SH3KBP1: variants seen among roughly 807,000 people sequenced by gnomAD.
The protein encoded by SH3KBP1 is SH3 domain containing kinase binding protein 1, also known as SH3 domain-containing kinase-binding protein 1.
A neutral mutation model predicts 50.1 loss-of-function variants in SH3KBP1; 8 were observed. The observed-to-expected ratio is 0.16, with a 90% CI of 0.09 to 0.29. The LOEUF is 0.29. Among genes scored for constraint, SH3KBP1 ranks in the 10% least tolerant of loss-of-function variants. SH3KBP1 has a pLI of 1.00. For missense variants in SH3KBP1, 377 were observed against 535.2 expected (o/e 0.70, Z 2.92); for synonymous variants, 227 against 218.6 (o/e 1.04, Z -0.34).
chrX:19,651,606 G>C (rs972281170), intron 6 of SH3KBP1, among the ~76,000 whole-genome samples: 4 of 112,461 alleles, frequency 3.6e-5, no homozygotes, highest in Non-Finnish European at 7.5e-5. Context: ...TTCCTTGGTT[G>C]CCTCAAAAAG....
chrX:19,741,296 C>G (rs2064760786), intron 3 of SH3KBP1, among the ~76,000 whole-genome samples: 1 of 112,019 alleles, frequency 8.9e-6, no homozygotes, highest in Non-Finnish European at 1.9e-5. Flanking sequence ...ACGATCTCAC[C>G]TCGTAGCATC....
chrX:19,544,212 C>A (rs1348508952), intron 15 of SH3KBP1, among the ~76,000 whole-genome samples: 3 of 111,122 alleles, frequency 2.7e-5, no homozygotes, highest in Non-Finnish European at 5.7e-5. Context: ...GAAAAGTGCT[C>A]TCTGCTGCCA....
chrX:19,691,551 A>G (rs2063294452), intron 5 of SH3KBP1, among the ~76,000 whole-genome samples: 1 of 108,693 alleles, frequency 9.2e-6, no homozygotes, highest in African/African-American at 3.3e-5. Context: ...AATCGGCAAA[A>G]GCCACGCTGT....
chrX:19,609,305 C>T (rs2067336444), intron 8 of SH3KBP1, among the ~76,000 whole-genome samples: 1 of 111,706 alleles, frequency 9.0e-6, no homozygotes, highest in Admixed American at 9.5e-5. Context: ...GCAACGCTTC[C>T]TGCCCAGTAT....
rs940211978 is a variant in SH3KBP1, at chrX:19,598,068, T to A, written c.1006-3068A>T. ...CCTCAATAACCAACCTCTGCTGGCT[T>A]CCAACTTTTCTTGTGCAGCTTCTTC... On this transcript the variant is annotated intron_variant, in intron 9 of 17. Transcript: ENST00000397821. Among the ~76,000 whole-genome samples the A allele has an allele frequency of 5.1e-4, 57 of 111,922 alleles. 1 individual carries two copies. Among genetic ancestry groups the A allele is most frequent in the African/African-American group, 1.8e-3 (56 of 30,792 alleles).
At chrX:19,670,444 C>T (rs1304288801) in intron 6 of SH3KBP1, 2 of 602,353 alleles carry the variant, frequency 3.3e-6, no homozygotes, top group South Asian at 8.7e-5. Context: ...GATTTGTTTA[C>T]TGCACAAACA....
chrX:19,574,255 T>C lies in SH3KBP1; in HGVS notation c.1299-5067A>G, dbSNP rs149104508. On this transcript the variant is annotated intron_variant, in intron 12 of 17. Coordinates refer to ENST00000397821, the MANE Select transcript of SH3KBP1 (RefSeq NM_031892.3). Reference sequence around the variant, plus strand: ...TCACAGCACTTCATATTTATATATGTACCCAGTAATCTTCCCCACTTATTC... The same window carrying C: ...TCACAGCACTTCATATTTATATATGCACCCAGTAATCTTCCCCACTTATTC... Among the ~76,000 whole-genome samples, 441 of 112,058 alleles carry C rather than the reference T, an allele frequency of 3.9e-3. 5 individuals carry two copies. Among genetic ancestry groups the C allele is most frequent in the African/African-American group, 0.013 (405 of 30,831 alleles).
intron 13 of SH3KBP1, among the ~76,000 whole-genome samples, chrX:19,561,335 T>C (rs1297691826): frequency 1.8e-5 from 2 of 110,947 alleles, no homozygotes; most frequent in Non-Finnish European, 3.8e-5. Context: ...GAGCTATTTC[T>C]CATTTGTAAA....
At chrX:19,667,810 G>A (rs2062639433) in intron 6 of SH3KBP1, among the ~76,000 whole-genome samples, 1 of 95,441 alleles carries the variant, frequency 1.0e-5, no homozygotes, top group African/African-American at 4.4e-5. Flanking sequence ...TGTTCTGTTG[G>A]GATTTTTTTT....
chrX:19,757,145 CTT>C (rs34733630), intron 2 of SH3KBP1, among the ~76,000 whole-genome samples: 2 of 74,688 alleles, frequency 2.7e-5, no homozygotes, highest in Non-Finnish European at 2.6e-5. Flanking sequence ...TTATTGACTG[CTT>C]TTTTTTTTTT....
intron 6 of SH3KBP1, among the ~76,000 whole-genome samples, chrX:19,680,942 G>A (rs113250249): frequency 0.059 from 6,604 of 111,565 alleles, 491 homozygotes; most frequent in African/African-American, 0.2. Flanking sequence ...GACAAATCAG[G>A]AATCAAGATG....
At chrX:19,593,649 C>A (rs2066814213) in intron 10 of SH3KBP1, among the ~76,000 whole-genome samples, 1 of 110,515 alleles carries the variant, frequency 9.0e-6, no homozygotes, top group Admixed American at 9.7e-5. Flanking sequence ...AATCTACTCA[C>A]CTAACAATAA....
chrX:19,688,893 TTG>T (rs750796785), intron 5 of SH3KBP1, among the ~76,000 whole-genome samples: 1 of 111,439 alleles, frequency 9.0e-6, no homozygotes, highest in South Asian at 3.7e-4. Context: ...AGAGAGCAAC[TTG>T]TCTCACTTCT....
intron 12 of SH3KBP1, among the ~76,000 whole-genome samples, chrX:19,588,040 C>T (rs1235754762): frequency 8.9e-6 from 1 of 112,321 alleles, no homozygotes; most frequent in East Asian, 2.8e-4. Flanking sequence ...GGAACACATG[C>T]ATCCAGCCAG....
chrX:19,618,360 G>A (rs2148184522), intron 8 of SH3KBP1, among the ~76,000 whole-genome samples: 1 of 98,672 alleles, frequency 1.0e-5, no homozygotes, highest in African/African-American at 3.9e-5. Context: ...CTCCAGCCTG[G>A]GTGACAGACT....
chrX:19,646,388 C>G (rs1363966797), intron 6 of SH3KBP1, among the ~76,000 whole-genome samples: 4 of 111,781 alleles, frequency 3.6e-5, no homozygotes, highest in African/African-American at 1.3e-4. Context: ...GTTCCCAAGG[C>G]GAGGTCTGTT....
intron 1 of SH3KBP1, among the ~76,000 whole-genome samples, chrX:19,880,834 G>A (rs1264229302): frequency 9.0e-6 from 1 of 111,678 alleles, no homozygotes; most frequent in African/African-American, 3.3e-5. Flanking sequence ...GAGATGCCAG[G>A]ACTGAAGCAG....
intron 16 of SH3KBP1, among the ~76,000 whole-genome samples, chrX:19,541,064 G>A (rs1447446418): frequency 2.7e-5 from 3 of 110,992 alleles, no homozygotes; most frequent in Admixed American, 9.6e-5. Context: ...ACAGGTGCAC[G>A]CCACCACGCC....
intron 16 of SH3KBP1, 57 bp downstream of exon 16, chrX:19,541,868 G>A: frequency 8.7e-7 from 1 of 1,155,179 alleles, no homozygotes; most frequent in Non-Finnish European, 1.2e-6. Context: ...AGAACTAGGT[G>A]CTGGCCTGGC....
Sources: allele counts gnomAD v4.1 joint callset (sites outside exome capture counted in the v4.1 genomes callset), GRCh38; gene constraint gnomAD v4.1.1; transcripts MANE v1.5; gene names NCBI Gene and HGNC (gene_info 2026-07-23, HGNC 2026-07-21).